FRMD4A: variants seen among roughly 807,000 people sequenced by gnomAD.
FRMD4A encodes the protein FERM domain containing 4A.
FRMD4A carries 29 observed loss-of-function variants against 129.1 expected under a neutral mutation model. That is an observed-to-expected ratio of 0.22 (90% confidence interval 0.17 to 0.31). FRMD4A has a LOEUF of 0.31. Among genes scored for constraint, FRMD4A ranks in the 10% least tolerant of loss-of-function variants. FRMD4A has a pLI of 1.00. For missense variants in FRMD4A, 1,272 were observed against 1,375.8 expected, an observed-to-expected ratio of 0.92 and a Z score of 1.19; for synonymous variants, 634 against 571.6, an observed-to-expected ratio of 1.11 and a Z score of -1.56.
chr10:14,029,062 C>T (rs2447038), intron 2 of FRMD4A, among the ~76,000 whole-genome samples: 131,047 of 152,250 alleles, frequency 0.86, 56,483 homozygotes, highest in South Asian at 0.94. Flanking sequence ...ACACTCTATA[C>T]GGTAGGCAAA....
chr10:13,707,205 G>C, intron 12 of FRMD4A, 92 bp from the exon 13 acceptor site: 1 of 883,472 alleles, frequency 1.1e-6, no homozygotes, highest in South Asian at 1.4e-5. Context: ...ACAGCTGGCA[G>C]TTTCCTTATC....
At chr10:14,054,804 T>C (rs1188644601) in intron 2 of FRMD4A, among the ~76,000 whole-genome samples, 3 of 152,212 alleles carry the variant, frequency 2.0e-5, no homozygotes, top group African/African-American at 7.2e-5. Context: ...GGTTTTCCCC[T>C]GCTGTTCTTG....
chr10:13,929,320 T>G (rs1400855817), intron 2 of FRMD4A, among the ~76,000 whole-genome samples: 2 of 152,230 alleles, frequency 1.3e-5, no homozygotes, highest in Non-Finnish European at 2.9e-5. Context: ...GGCTGAGTCC[T>G]TGCTGAAGAC....
chr10:14,031,958 G>A (rs1441445032), intron 2 of FRMD4A, among the ~76,000 whole-genome samples: 1 of 151,924 alleles, frequency 6.6e-6, no homozygotes, highest in Admixed American at 6.6e-5. Context: ...CAGCGGCCTT[G>A]GTTCTAAGAA....
chr10:14,252,790 TCAA>T (rs1844484320), intron 2 of FRMD4A, among the ~76,000 whole-genome samples: 2 of 152,250 alleles, frequency 1.3e-5, no homozygotes, highest in Non-Finnish European at 2.9e-5. Context: ...ATTTTATTCC[TCAA>T]ACTTTGATCC....
intron 2 of FRMD4A, among the ~76,000 whole-genome samples, chr10:13,921,549 C>G (rs2095073531): frequency 6.6e-6 from 1 of 152,204 alleles, no homozygotes; most frequent in Non-Finnish European, 1.5e-5. Context: ...GCATGAGCCA[C>G]CATGTCTGGG....
At chr10:13,861,578 A>C (rs1157199918) in intron 2 of FRMD4A, among the ~76,000 whole-genome samples, 1 of 152,104 alleles carries the variant, frequency 6.6e-6, no homozygotes, top group Non-Finnish European at 1.5e-5. Flanking sequence ...AACAGATTAA[A>C]CACAGAGGAA....
chr10:13,970,367 C>T lies in FRMD4A; in HGVS notation c.46-111455G>A, dbSNP rs142407439. ...GCTGTGCCCATCTGTGAAATCAACC[C>T]GACACCCTTGGGCACATCTTCCAGG... On this transcript the variant is annotated intron_variant, in intron 2 of 24. Transcript: ENST00000357447. Among the ~76,000 whole-genome samples the T allele has an allele frequency of 1.8e-3, 274 of 152,252 alleles. 2 individuals are homozygous for T. The highest frequency in any genetic ancestry group is 6.8e-3 in the Middle Eastern group (2 of 294).
intron 2 of FRMD4A, among the ~76,000 whole-genome samples, chr10:13,907,861 T>TAAA (rs34704231): frequency 8.2e-5 from 12 of 145,592 alleles, no homozygotes; most frequent in Middle Eastern, 3.5e-3. Flanking sequence ...TAAAGTCACT[T>TAAA]AAAAAAAAAA....
At chr10:13,797,483 G>C (rs961731144) in intron 4 of FRMD4A, among the ~76,000 whole-genome samples, 2 of 152,188 alleles carry the variant, frequency 1.3e-5, no homozygotes, top group African/African-American at 4.8e-5. Context: ...GAGGACCCCA[G>C]CGTCTTAGTG....
At chr10:13,906,920 T>C (rs560301293) in intron 2 of FRMD4A, among the ~76,000 whole-genome samples, 12 of 152,170 alleles carry the variant, frequency 7.9e-5, no homozygotes, top group Non-Finnish European at 1.3e-4. Context: ...TGCCCGTCAG[T>C]CACATCTAAA....
intron 2 of FRMD4A, among the ~76,000 whole-genome samples, chr10:13,875,689 A>G (rs564042370): frequency 6.6e-6 from 1 of 152,328 alleles, no homozygotes; most frequent in South Asian, 2.1e-4. Flanking sequence ...CCAAAGAAGG[A>G]TAACTAGACC....
chr10:13,936,327 A>G (rs915590490), intron 2 of FRMD4A, among the ~76,000 whole-genome samples: 3 of 152,212 alleles, frequency 2.0e-5, no homozygotes, highest in Non-Finnish European at 4.4e-5. Context: ...CTGAGGTCCC[A>G]GTTCTGCCAC....
intron 15 of FRMD4A, among the ~76,000 whole-genome samples, chr10:13,688,545 A>G (rs898235057): frequency 4.6e-5 from 7 of 152,110 alleles, no homozygotes; most frequent in African/African-American, 1.7e-4. Context: ...AAAGTATAAT[A>G]ATAAAAAAAT....
At chr10:14,250,271 T>A (rs966086578) in intron 2 of FRMD4A, among the ~76,000 whole-genome samples, 4 of 152,156 alleles carry the variant, frequency 2.6e-5, no homozygotes, top group African/African-American at 9.7e-5. Context: ...TGTTTTTACT[T>A]TTCTATTCCT....
intron 2 of FRMD4A, among the ~76,000 whole-genome samples, chr10:14,218,947 C>A (rs1463428576): frequency 2.4e-5 from 2 of 83,062 alleles, no homozygotes; most frequent in Non-Finnish European, 2.0e-5. Context: ...AAGAGTGAGA[C>A]TTCATCTCAA....
intron 2 of FRMD4A, among the ~76,000 whole-genome samples, chr10:14,111,511 G>T (rs1047265816): frequency 6.6e-6 from 1 of 152,124 alleles, no homozygotes; most frequent in African/African-American, 2.4e-5. Flanking sequence ...ACCCTGCAGG[G>T]ATAGCTAAGC....
At chr10:13,665,605 C>G (rs2082963482) in intron 18 of FRMD4A, among the ~76,000 whole-genome samples, 2 of 152,150 alleles carry the variant, frequency 1.3e-5, no homozygotes, top group Admixed American at 1.3e-4. Flanking sequence ...ATCAGATGGT[C>G]CAGTCTCCCC....
intron 2 of FRMD4A, among the ~76,000 whole-genome samples, chr10:14,009,822 C>T (rs2131633708): frequency 6.6e-6 from 1 of 151,926 alleles, no homozygotes; most frequent in Middle Eastern, 3.4e-3. Context: ...GACGGGGAGA[C>T]GGAAACCTCT....
Sources: allele counts gnomAD v4.1 joint callset (sites outside exome capture counted in the v4.1 genomes callset), GRCh38; gene constraint gnomAD v4.1.1; transcripts MANE v1.5; gene names NCBI Gene and HGNC (gene_info 2026-07-23, HGNC 2026-07-21).